Variants in VSTM2L observed in about 807,000 individuals in gnomAD.
VSTM2L encodes V-set and transmembrane domain containing 2 like.
Under a neutral mutation model 19.9 loss-of-function variants are expected in VSTM2L, and 9 were observed. The ratio of observed to expected loss-of-function variants is 0.45; its 90% confidence interval spans 0.27 to 0.79. VSTM2L has a LOEUF of 0.79. VSTM2L is among the 30% of genes least tolerant of loss of function. VSTM2L has a pLI of 0.15. For synonymous variants in VSTM2L, 127 were observed against 133.8 expected, an observed-to-expected ratio of 0.95 and a Z score of 0.35; for missense variants, 286 against 295.5, an observed-to-expected ratio of 0.97 and a Z score of 0.24.
chr20:37,934,562 G>A (rs1342624684), intron 3 of VSTM2L, among the ~76,000 whole-genome samples: 1 of 152,194 alleles, frequency 6.6e-6, no homozygotes, highest in Non-Finnish European at 1.5e-5. Context: ...CATGCGCATG[G>A]CGGGGAAACC....
At chr20:37,906,671 A>T (rs1834484760) in intron 1 of VSTM2L, among the ~76,000 whole-genome samples, 1 of 152,212 alleles carries the variant, frequency 6.6e-6, no homozygotes, top group South Asian at 2.1e-4. Context: ...TAAGATGAAG[A>T]TGCATCTGGC....
At position 37,943,908 on chromosome 20, in the gene VSTM2L, A is replaced by ACC. The variant is rs11365082; in HGVS notation, c.343-63_343-62dup. On this transcript the variant is annotated intron_variant, in intron 3 of 3. Coordinates refer to ENST00000373461, the MANE Select transcript of VSTM2L (RefSeq NM_080607.3). ...TCCCGTCCTAGCATGCGATCTTGGG[A>ACC]CCCCCCCCCCCGACTCTTCTTCTCC... The ACC allele has an allele frequency of 2.3e-3, 415 of 178,264 alleles. 20 individuals carry two copies. The highest frequency in any genetic ancestry group is 5.5e-3 in the African/African-American group (139 of 25,498). The allele number at this position is 178,264 out of a possible 1,614,324, so 11.0% of individuals were successfully genotyped here. A position where few individuals can be genotyped will look rare whatever the true frequency, so the allele number is the denominator to read the frequency against.
chr20:37,916,247 G>C (rs1322269205), intron 1 of VSTM2L, among the ~76,000 whole-genome samples: 1 of 152,168 alleles, frequency 6.6e-6, no homozygotes, highest in African/African-American at 2.4e-5. Context: ...GAAAATAAAT[G>C]GTATCGGTAG....
chr20:37,930,277 G>T (rs984302277), intron 1 of VSTM2L, among the ~76,000 whole-genome samples: 1 of 152,210 alleles, frequency 6.6e-6, no homozygotes, highest in Non-Finnish European at 1.5e-5. Flanking sequence ...GGGACAGGGG[G>T]ATGAGAGAGG....
At position 37,903,208 on chromosome 20, in the gene VSTM2L, G is replaced by C; in HGVS notation, c.-143G>C. 1 of 1,100,488 alleles carries C rather than the reference G, an allele frequency of 9.1e-7. No individual in the cohort carries two copies. The highest frequency in any genetic ancestry group is 1.1e-6 in the Non-Finnish European group (1 of 874,366). 68.2% of individuals were successfully genotyped at this position (1,100,488 alleles called of 1,614,324 possible). A position where few individuals can be genotyped will look rare whatever the true frequency, so the allele number is the denominator to read the frequency against. ...GGAGCCGGGCGAGGGCTGGGAGCTGGGCCGGGTCCGGGGACAGCGGGCGAG... is the reference window on the plus strand; with the variant it reads ...GGAGCCGGGCGAGGGCTGGGAGCTGCGCCGGGTCCGGGGACAGCGGGCGAG... On this transcript the variant is annotated 5_prime_UTR_variant, in exon 1 of 4. Transcript: ENST00000373461.
chr20:37,938,897 G>A (rs892571945), intron 3 of VSTM2L, among the ~76,000 whole-genome samples: 12 of 152,266 alleles, frequency 7.9e-5, no homozygotes, highest in African/African-American at 2.9e-4. Context: ...CTCTGATGAG[G>A]TTTGGGGCTG....
chr20:37,920,414 TGGGGA>T (rs2072843595), intron 1 of VSTM2L, among the ~76,000 whole-genome samples: 1 of 152,228 alleles, frequency 6.6e-6, no homozygotes, highest in Non-Finnish European at 1.5e-5. Flanking sequence ...CAACAAGGGT[TGGGGA>T]GCTACTGGCG....
intron 3 of VSTM2L, among the ~76,000 whole-genome samples, chr20:37,937,322 C>A (rs932427879): frequency 6.6e-6 from 1 of 152,124 alleles, no homozygotes; most frequent in East Asian, 1.9e-4. Context: ...TATGAATTAT[C>A]TCGTTTAACT....
intron 1 of VSTM2L, among the ~76,000 whole-genome samples, chr20:37,923,421 A>G (rs2072863172): frequency 6.6e-6 from 1 of 152,208 alleles, no homozygotes; most frequent in South Asian, 2.1e-4. Context: ...CGCACCCCCA[A>G]TTAAAAGCAG....
chr20:37,938,963 C>A (rs1384136827), intron 3 of VSTM2L, among the ~76,000 whole-genome samples: 3 of 152,118 alleles, frequency 2.0e-5, no homozygotes, highest in Non-Finnish European at 4.4e-5. Flanking sequence ...GAAGACCGAT[C>A]TGTAGTTTAT....
At chr20:37,922,945 G>A (rs1406027780) in intron 1 of VSTM2L, among the ~76,000 whole-genome samples, 1 of 149,230 alleles carries the variant, frequency 6.7e-6, no homozygotes, top group African/African-American at 2.6e-5. Flanking sequence ...ATAATCTGAT[G>A]AGGCGACAAG....
Position 37,944,392 on chromosome 20 carries a change from T to C in VSTM2L, c.*139T>C. 7.8e-7 allele frequency: 1 copy of C among 1,282,506 alleles called. No individual in the cohort carries two copies. The highest frequency in any genetic ancestry group is 2.8e-5 in the East Asian group (1 of 35,822). The allele number at this position is 1,282,506 out of a possible 1,614,324, so 79.4% of individuals were successfully genotyped here. On this transcript the variant is annotated 3_prime_UTR_variant, in exon 4 of 4. Transcript: ENST00000373461. ...GCCTGTGGCCACCATGTCGGCCCTCTTTCCACCACCCCTTGCTCAGCATGT... is the reference window on the plus strand; with the variant it reads ...GCCTGTGGCCACCATGTCGGCCCTCCTTCCACCACCCCTTGCTCAGCATGT...
At chr20:37,908,561 C>G (rs2072763109) in intron 1 of VSTM2L, among the ~76,000 whole-genome samples, 1 of 152,182 alleles carries the variant, frequency 6.6e-6, no homozygotes, top group East Asian at 1.9e-4. Context: ...GCCTGTAATC[C>G]CAGCACTTTG....
At chr20:37,943,195 T>C (rs1401278217) in intron 3 of VSTM2L, among the ~76,000 whole-genome samples, 1 of 152,080 alleles carries the variant, frequency 6.6e-6, no homozygotes, top group Non-Finnish European at 1.5e-5. Flanking sequence ...CATGCCCAGG[T>C]CTCAAACTCC....
At chr20:37,942,258 G>T (rs527690495) in intron 3 of VSTM2L, among the ~76,000 whole-genome samples, 161 of 152,298 alleles carry the variant, frequency 1.1e-3, no homozygotes, top group Middle Eastern at 6.8e-3. Flanking sequence ...GAGGTGGGTT[G>T]ATCACTTGAG....
chr20:37,939,728 G>A (rs966928520), intron 3 of VSTM2L, among the ~76,000 whole-genome samples: 1 of 152,158 alleles, frequency 6.6e-6, no homozygotes, highest in African/African-American at 2.4e-5. Context: ...GCTCGTGCCA[G>A]CATTACCAGG....
chr20:37,903,562 G>A, intron 1 of VSTM2L, 91 bp downstream of exon 1: 2 of 1,317,166 alleles, frequency 1.5e-6, no homozygotes, highest in Admixed American at 4.2e-5. Flanking sequence ...GCTCGAACCG[G>A]CGCCAGTCGT....
At chr20:37,931,977 A>T (rs2072913066) in intron 2 of VSTM2L, among the ~76,000 whole-genome samples, 173 bp downstream of exon 2, 1 of 152,142 alleles carries the variant, frequency 6.6e-6, no homozygotes, top group Admixed American at 6.5e-5. Context: ...TTAGGTGATC[A>T]TGGAGGCTTA....
intron 3 of VSTM2L, among the ~76,000 whole-genome samples, chr20:37,938,377 G>T (rs2072952284): frequency 6.6e-6 from 1 of 152,336 alleles, no homozygotes; most frequent in African/African-American, 2.4e-5. Flanking sequence ...GGGTGGAGCT[G>T]ATAGAGGCTG....
Sources: gnomAD v4.1 joint callset for allele counts (sites outside exome capture counted in the v4.1 genomes callset) on GRCh38, gnomAD v4.1.1 for gene constraint, MANE v1.5 for transcripts, NCBI Gene and HGNC (gene_info 2026-07-23, HGNC 2026-07-21) for gene names.